SPAST: variants seen among roughly 807,000 people sequenced by gnomAD.
SPAST encodes the protein spastic paraplegia 4 (autosomal dominant; spastin).
In SPAST, 30 loss-of-function variants were observed where a neutral mutation model predicts 76.6. The observed-to-expected ratio is 0.39, with a 90% confidence interval of 0.29 to 0.53. SPAST has a LOEUF of 0.53. Among genes scored for constraint, SPAST ranks in the 20% least tolerant of loss-of-function variants. SPAST has a pLI of 0.68. For missense variants in SPAST, 717 were observed against 770.5 expected (o/e 0.93, Z 0.82); for synonymous variants, 305 against 281.0 (o/e 1.09, Z -0.86).
At chr2:32,144,895 G>A (rs545523814) in intron 14 of SPAST, 42 bp from the exon 15 acceptor site, 35 of 1,417,302 alleles carry the variant, frequency 2.5e-5, no homozygotes, top group South Asian at 1.3e-4. Flanking sequence ...AAAAAAAAGC[G>A]GGAGGGGAAA....
At chr2:32,143,665 A>G (rs564371696) in intron 14 of SPAST, among the ~76,000 whole-genome samples, 18 of 152,204 alleles carry the variant, frequency 1.2e-4, no homozygotes, top group Non-Finnish European at 2.5e-4. Context: ...CTTTTTATAA[A>G]TTTATTAAAA....
rs1327466439 is a variant in SPAST, at chr2:32,127,075, GA to G, written c.1173+60del. The G allele has an allele frequency of 9.3e-6, 11 of 1,188,348 alleles. No homozygotes were observed. In the East Asian group the frequency reaches 2.3e-4, roughly 25 times the overall value. The allele number at this position is 1,188,348 out of a possible 1,614,324, so 73.6% of individuals were successfully genotyped here. On this transcript the variant is annotated intron_variant, in intron 8 of 16. Transcript: ENST00000315285. The stretch of plus-strand genomic sequence containing the variant: ...TCTGTTGAGATATTTGGGATAATAT[GA>G]AAAAAAGAAACTTTATCTTGTCCTT...
chr2:32,157,544 T>C lies in SPAST; in HGVS notation c.*3048T>C, dbSNP rs1227695717. The C allele has an allele frequency of 6.6e-6, 1 of 152,662 alleles. No homozygotes were observed. 9.5% of individuals were successfully genotyped at this position (152,662 alleles called of 1,614,324 possible). ...TGCTTGTCTCAATTTTAGTCTGGTC[T>C]TTTGTACTTTTCTTCAGAAGAAATG... On this transcript the variant is annotated 3_prime_UTR_variant, in exon 17 of 17. Transcript: ENST00000315285.
At chr2:32,121,165 C>T (rs1182660526) in intron 7 of SPAST, among the ~76,000 whole-genome samples, 1 of 151,776 alleles carries the variant, frequency 6.6e-6, no homozygotes, top group African/African-American at 2.4e-5. Flanking sequence ...TAGGTGGGGG[C>T]AGGGGGGAAG....
intron 3 of SPAST, among the ~76,000 whole-genome samples, chr2:32,095,797 T>C (rs1677893742): frequency 6.6e-6 from 1 of 151,976 alleles, no homozygotes. Flanking sequence ...TGTGATGACA[T>C]GAACAAATAC....
intron 4 of SPAST, among the ~76,000 whole-genome samples, chr2:32,109,717 ATAAC>A (rs1678460169): frequency 6.7e-6 from 1 of 149,226 alleles, no homozygotes; most frequent in Non-Finnish European, 1.5e-5. Context: ...ATAACTAAAA[ATAAC>A]TATATGTATA....
At chr2:32,150,216 G>T (rs1317849766) in intron 16 of SPAST, among the ~76,000 whole-genome samples, 1 of 147,866 alleles carries the variant, frequency 6.8e-6, no homozygotes, top group Admixed American at 6.8e-5. Flanking sequence ...GGGACTACAG[G>T]TGCACGCCAC....
intron 1 of SPAST, among the ~76,000 whole-genome samples, chr2:32,073,226 T>G (rs1434024562): frequency 6.6e-6 from 1 of 152,190 alleles, no homozygotes; most frequent in South Asian, 2.1e-4. Flanking sequence ...AGTGATGGCG[T>G]TTCGCTGTGT....
chr2:32,089,965 C>T (rs191301652), intron 3 of SPAST, among the ~76,000 whole-genome samples: 81 of 152,276 alleles, frequency 5.3e-4, no homozygotes, highest in Non-Finnish European at 5.9e-4. Flanking sequence ...AGGGTTTCAC[C>T]ATGTTAGCCA....
At chr2:32,116,329 A>G in intron 7 of SPAST, 117 bp downstream of exon 7, 1 of 707,408 alleles carries the variant, frequency 1.4e-6, no homozygotes, top group Non-Finnish European at 2.5e-6. Flanking sequence ...ATAAGGTAAC[A>G]ATAGATTTAA....
chr2:32,156,478 C>T lies in SPAST; in HGVS notation c.*1982C>T, dbSNP rs1228274935. The T allele has an allele frequency of 6.6e-6, 1 of 151,326 alleles. No homozygotes were observed. The highest frequency in any genetic ancestry group is 1.5e-5 in the Non-Finnish European group (1 of 67,872). The allele number at this position is 151,326 out of a possible 1,614,324, so 9.4% of individuals were successfully genotyped here. On this transcript the variant is annotated 3_prime_UTR_variant, in exon 17 of 17. Coordinates refer to ENST00000315285, the MANE Select transcript of SPAST (RefSeq NM_014946.4). ...AGGGGAAAAAAAATTTTTTTCAAGC[C>T]AGAGCTATGCATATGTTAGGTGATG...
At chr2:32,115,026 G>T (rs1270075767) in intron 5 of SPAST, among the ~76,000 whole-genome samples, 1 of 133,842 alleles carries the variant, frequency 7.5e-6, no homozygotes, top group Admixed American at 8.7e-5. Flanking sequence ...TCGGCTCATT[G>T]CAACCTCCGC....
Position 32,155,941 on chromosome 2 carries a change from A to C in SPAST, c.*1445A>C, listed in dbSNP as rs1025661864. 6.6e-6 allele frequency: 1 copy of C among 152,526 alleles called. No homozygotes were observed. The highest frequency in any genetic ancestry group is 6.6e-5 in the Admixed American group (1 of 15,258). The allele number at this position is 152,526 out of a possible 1,614,324, so 9.4% of individuals were successfully genotyped here. Reference sequence around the variant, plus strand: ...ACATTAAAATAAAAAACTTGCCCCTACTAGGTAAGAACTTTATAATGAAGA... The same window carrying C: ...ACATTAAAATAAAAAACTTGCCCCTCCTAGGTAAGAACTTTATAATGAAGA... On this transcript the variant is annotated 3_prime_UTR_variant, in exon 17 of 17. Coordinates refer to ENST00000315285, the MANE Select transcript of SPAST (RefSeq NM_014946.4).
intron 16 of SPAST, among the ~76,000 whole-genome samples, chr2:32,147,638 G>GTTTA (rs1679938519): frequency 6.9e-6 from 1 of 144,258 alleles, no homozygotes; most frequent in Non-Finnish European, 1.5e-5. Context: ...TTGTTTGTTT[G>GTTTA]TTTGTTTGTT....
At chr2:32,071,588 T>C (rs1676753815) in intron 1 of SPAST, among the ~76,000 whole-genome samples, 1 of 152,158 alleles carries the variant, frequency 6.6e-6, no homozygotes, top group African/African-American at 2.4e-5. Flanking sequence ...TTATACACTT[T>C]AGGGAGACAT....
chr2:32,150,915 A>C (rs1168984367), intron 16 of SPAST, among the ~76,000 whole-genome samples: 4 of 151,178 alleles, frequency 2.6e-5, no homozygotes, highest in Non-Finnish European at 5.9e-5. Context: ...ATATATATTC[A>C]GGTTATATTG....
At chr2:32,076,434 C>T (rs899040991) in intron 1 of SPAST, among the ~76,000 whole-genome samples, 5 of 152,066 alleles carry the variant, frequency 3.3e-5, no homozygotes, top group Admixed American at 6.6e-5. Flanking sequence ...ATTACCCAGG[C>T]TGGTCTTGAA....
chr2:32,108,029 A>C (rs1457758835), intron 4 of SPAST, among the ~76,000 whole-genome samples: 1 of 152,168 alleles, frequency 6.6e-6, no homozygotes, highest in African/African-American at 2.4e-5. Flanking sequence ...AGAAAAAGTA[A>C]AGTATAACCC....
At chr2:32,115,318 C>T (rs150559097) in intron 5 of SPAST, among the ~76,000 whole-genome samples, 1 of 152,160 alleles carries the variant, frequency 6.6e-6, no homozygotes, top group East Asian at 1.9e-4. Flanking sequence ...ACATTTAATA[C>T]CAAGTTTTGC....
Sources: gnomAD v4.1 joint callset for allele counts (sites outside exome capture counted in the v4.1 genomes callset) on GRCh38, gnomAD v4.1.1 for gene constraint, MANE v1.5 for transcripts, NCBI Gene and HGNC (gene_info 2026-07-23, HGNC 2026-07-21) for gene names.